The following HERC2 variants were observed in gnomAD, a reference collection of about 807,000 sequenced individuals.
HERC2 encodes the protein E3 ubiquitin-protein ligase HERC2.
A neutral mutation model predicts 537.7 loss-of-function variants in HERC2; 102 were observed. The observed-to-expected ratio is 0.19, with a 90% confidence interval of 0.16 to 0.22. HERC2 has a LOEUF of 0.22. Ranked by LOEUF, HERC2 falls within the 10% of genes least tolerant of loss-of-function variation. The pLI, the probability that HERC2 is intolerant of heterozygous loss-of-function variation, is 1.00. For synonymous variants in HERC2, 2,224 were observed against 2,466.2 expected (o/e 0.90, Z 2.91); for missense variants, 4,236 against 6,198.2 (o/e 0.68, Z 10.63).
intron 9 of HERC2, 132 bp from the exon 10 acceptor site, chr15:28,271,000 G>C: frequency 1.4e-6 from 1 of 709,418 alleles, no homozygotes; most frequent in Non-Finnish European, 2.4e-6. Context: ...CAATGATACA[G>C]TTATACTATA....
chr15:28,158,843 A>G (rs1298219818), intron 69 of HERC2, among the ~76,000 whole-genome samples: 1 of 152,108 alleles, frequency 6.6e-6, no homozygotes, highest in Non-Finnish European at 1.5e-5. Flanking sequence ...GATGGTCTTT[A>G]CAATTTGGCA....
chr15:28,241,335 C>T (rs1470767964), intron 23 of HERC2, among the ~76,000 whole-genome samples: 1 of 151,948 alleles, frequency 6.6e-6, no homozygotes, highest in Non-Finnish European at 1.5e-5. Context: ...TACCACTTCA[C>T]ACCCATTGAT....
chr15:28,142,537 G>C (rs1891329878), intron 75 of HERC2, 144 bp from the exon 76 acceptor site: 2 of 900,758 alleles, frequency 2.2e-6, no homozygotes, highest in African/African-American at 1.7e-5. Context: ...TCAGTGATGT[G>C]GCGACCTCTG....
rs528075333 is a variant in HERC2 at position 28,202,197 on chromosome 15, C to T, written c.7533G>A (p.Thr2511=). The T allele has an allele frequency of 2.8e-5, 45 of 1,599,340 alleles. No homozygotes were observed. The East Asian group carries it at 4.9e-4, about 17-fold the overall frequency. The change falls in exon 47 of 93, where the codon ACG becomes ACA. Residue 2511 remains threonine (T), a synonymous_variant. Coordinates refer to ENST00000261609, the MANE Select transcript of HERC2 (RefSeq NM_004667.6). The stretch of plus-strand genomic sequence containing the variant: ...ACACCGTGTCTGCATCTGAGAGCTC[C>T]GTGACCTGTATGTCGGAGTGGTCCA... ...WLLDHSDIQV[T]ELSDADTVSD...
chr15:28,300,657 AC>A (rs2076595215), intron 2 of HERC2, among the ~76,000 whole-genome samples: 1 of 144,802 alleles, frequency 6.9e-6, no homozygotes, highest in Non-Finnish European at 1.5e-5. Context: ...CCCCATCTCT[AC>A]TAAAAATATG....
intron 30 of HERC2, 89 bp downstream of exon 30, chr15:28,233,057 T>G (rs1902046789): frequency 2.1e-6 from 2 of 943,406 alleles, no homozygotes; most frequent in Non-Finnish European, 3.3e-6. Context: ...GAATCAACAG[T>G]AGAGAAACTT....
rs369515209 is a variant in HERC2, at chr15:28,111,709, C to T, written c.*54G>A. 18 of 1,575,498 alleles carry T rather than the reference C, an allele frequency of 1.1e-5. No individual in the cohort carries two copies. The highest frequency in any genetic ancestry group is 9.4e-5 in the African/African-American group (7 of 74,298). ...AGGCAGCCTACAGTCTACACAGCAGCGAGCGCTCTGCTGCCTGGCTCAGGC... is the reference window on the plus strand; with the variant it reads ...AGGCAGCCTACAGTCTACACAGCAGTGAGCGCTCTGCTGCCTGGCTCAGGC... On this transcript the variant is annotated 3_prime_UTR_variant, in exon 93 of 93. Coordinates refer to ENST00000261609, the MANE Select transcript of HERC2 (RefSeq NM_004667.6).
intron 57 of HERC2, 70 bp from the exon 58 acceptor site, chr15:28,179,293 C>T (rs2140173253): frequency 8.6e-7 from 1 of 1,162,728 alleles, no homozygotes; most frequent in Non-Finnish European, 1.3e-6. Flanking sequence ...AATTATGTTA[C>T]CTTATTATAT....
chr15:28,296,818 A>G (rs1030553167), intron 3 of HERC2, among the ~76,000 whole-genome samples: 13 of 151,822 alleles, frequency 8.6e-5, no homozygotes, highest in Admixed American at 6.6e-5. Flanking sequence ...TATATATACC[A>G]CTTACTTGGA....
chr15:28,318,140 T>G (rs543535097), intron 2 of HERC2, among the ~76,000 whole-genome samples: 58 of 152,300 alleles, frequency 3.8e-4, no homozygotes, highest in Non-Finnish European at 6.9e-4. Context: ...TCATATATTG[T>G]TTTTTATAGT....
intron 70 of HERC2, among the ~76,000 whole-genome samples, chr15:28,149,846 C>T (rs1349073657): frequency 1.3e-5 from 2 of 152,026 alleles, no homozygotes; most frequent in African/African-American, 2.4e-5. Context: ...AGAACAGCCA[C>T]ACGAACGCAC....
chr15:28,265,694 G>A lies in HERC2; in HGVS notation c.1794C>T (p.Ala598=), dbSNP rs372423168. The A allele has an allele frequency of 3.0e-5, 49 of 1,614,052 alleles. No individual in the cohort carries two copies. The Middle Eastern group carries it at 4.9e-4, about 16-fold the overall frequency. ...SEDEAIPMLV[A]GLKGLKVIDV... Reference sequence around the variant, plus strand: ...CGATGACCTTCAGTCCTTTAAGCCCGGCTACCAGCATCGGAATGGCCTCGT... The same window carrying A: ...CGATGACCTTCAGTCCTTTAAGCCCAGCTACCAGCATCGGAATGGCCTCGT... Residue 598 remains alanine (A), a synonymous_variant, in exon 14 of 93, where the codon GCC becomes GCT. Coordinates refer to ENST00000261609, the MANE Select transcript of HERC2 (RefSeq NM_004667.6). The surrounding 1 kb of genome is among the most constrained non-coding windows in gnomAD (Gnocchi z 4.0).
chr15:28,295,432 C>T (rs1045644849), intron 3 of HERC2, among the ~76,000 whole-genome samples: 4 of 151,970 alleles, frequency 2.6e-5, no homozygotes, highest in Non-Finnish European at 5.9e-5. Flanking sequence ...TTTTGTTGTT[C>T]TTTTGAGACA....
At chr15:28,269,141 A>G (rs2075650804) in intron 11 of HERC2, 107 bp downstream of exon 11, 7 of 778,608 alleles carry the variant, frequency 9.0e-6, no homozygotes. Context: ...GAACTTTGTC[A>G]ATCTTCAGAA....
intron 2 of HERC2, among the ~76,000 whole-genome samples, chr15:28,310,842 C>T (rs1321950067): frequency 6.6e-6 from 1 of 152,030 alleles, no homozygotes; most frequent in African/African-American, 2.4e-5. Flanking sequence ...CTTTGGGAGG[C>T]CGAAGCGGGT....
At chr15:28,319,779 C>G (rs2077183792) in intron 2 of HERC2, among the ~76,000 whole-genome samples, 1 of 151,990 alleles carries the variant, frequency 6.6e-6, no homozygotes, top group African/African-American at 2.4e-5. Context: ...GATCAAGACA[C>G]TAGAACTCAT....
rs1278829812 is a variant in HERC2, at chr15:28,176,761, A to G, written c.9440T>C (p.Val3147Ala). Residue 3147 changes from valine (V) to alanine (A), a missense_variant, in exon 62 of 93, where the codon GTC becomes GCC. This residue lies in a region of HERC2 where 606 missense variants were observed against 884.5 expected (regional missense o/e 0.69). Coordinates refer to ENST00000261609, the MANE Select transcript of HERC2 (RefSeq NM_004667.6). This position sits in a 1 kb window ranked among gnomAD's most constrained non-coding sequence, Gnocchi z 5.0. ...TTQLKPKMVK[V>A]LLGHRVIQVA... Reference sequence around the variant, plus strand: ...CTGGATTACTCTGTGACCGAGAAGGACTTTCACCTACTCAATTACAAATTT... The same window carrying G: ...CTGGATTACTCTGTGACCGAGAAGGGCTTTCACCTACTCAATTACAAATTT... The G allele has an allele frequency of 6.2e-7, 1 of 1,613,530 alleles. No individual in the cohort carries two copies.
intron 3 of HERC2, among the ~76,000 whole-genome samples, chr15:28,294,841 A>C (rs190847031): frequency 6.6e-6 from 1 of 150,744 alleles, no homozygotes; most frequent in African/African-American, 2.4e-5. Context: ...GTCCAGTGTC[A>C]GTGTCCTACG....
At chr15:28,300,754 C>T (rs1367967536) in intron 2 of HERC2, among the ~76,000 whole-genome samples, 1 of 115,520 alleles carries the variant, frequency 8.7e-6, no homozygotes, top group Non-Finnish European at 1.6e-5. Flanking sequence ...ACCCAGGAGG[C>T]AGAGGTTTCA....
Sources: gnomAD v4.1 joint callset for allele counts (sites outside exome capture counted in the v4.1 genomes callset) on GRCh38, gnomAD v4.1.1 for gene constraint, gnomAD v4.1.1 regional missense constraint, Gnocchi (gnomAD v3.1) non-coding constraint, MANE v1.5 for transcripts, NCBI Gene and HGNC (gene_info 2026-07-23, HGNC 2026-07-21) for gene names.